Variants in KCNK3 observed in about 807,000 individuals in gnomAD.
KCNK3 encodes potassium two pore domain channel subfamily K member 3.
A neutral mutation model predicts 27.3 loss-of-function variants in KCNK3; 9 were observed. The ratio of observed to expected loss-of-function variants is 0.33; its 90% CI spans 0.20 to 0.57. The LOEUF (loss-of-function observed/expected upper bound fraction) is 0.57, where lower values mean the gene tolerates loss of function less well. KCNK3 is among the 20% of genes least tolerant of loss of function. The probability of loss-of-function intolerance (pLI) is 0.87; values close to 1 mark genes in which losing one functional copy is unlikely to be tolerated. For missense variants in KCNK3, 391 were observed against 577.7 expected (o/e 0.68, Z 3.31); for synonymous variants, 278 against 273.8 (o/e 1.02, Z -0.15).
At position 26,728,136 on chromosome 2, in the gene KCNK3, C is replaced by G. The variant is rs1282543271; in HGVS notation, c.753C>G (p.Ala251=). 8.8e-6 allele frequency: 14 copies of G among 1,599,942 alleles called. No individual in the cohort carries two copies. Among genetic ancestry groups the G allele is most frequent in the Non-Finnish European group, 1.1e-5 (13 of 1,173,446 alleles). ...TGCTGCGCTTCATGACCATGAACGC[C>G]GAGGACGAGAAGCGCGACGCCGAGC... ...LVVLRFMTMN[A]EDEKRDAEHR... is the part of the protein sequence containing the mutation. The change falls in exon 2 of 2, where the codon GCC becomes GCG. Residue 251 remains alanine (A), a synonymous_variant. Transcript: ENST00000302909.
At chr2:26,699,197 A>T (rs1239185701) in intron 1 of KCNK3, among the ~76,000 whole-genome samples, 1 of 103,446 alleles carries the variant, frequency 9.7e-6, no homozygotes, top group Non-Finnish European at 2.1e-5. Flanking sequence ...AAAAAAAGGA[A>T]GGAAAGAGAG....
intron 1 of KCNK3, among the ~76,000 whole-genome samples, chr2:26,709,540 A>G (rs1165475048): frequency 6.6e-6 from 1 of 152,162 alleles, no homozygotes; most frequent in African/African-American, 2.4e-5. Context: ...GATCTGCAGC[A>G]TGGCGGTCAC....
At chr2:26,717,325 G>C (rs1169431697) in intron 1 of KCNK3, among the ~76,000 whole-genome samples, 1 of 152,190 alleles carries the variant, frequency 6.6e-6, no homozygotes, top group African/African-American at 2.4e-5. Context: ...GTTGGGAGAA[G>C]TTCATTCCCT....
rs1384765201 is a variant in KCNK3, at chr2:26,693,380, G to A, written c.283+222G>A. On this transcript the variant is annotated intron_variant, in intron 1 of 1. Transcript: ENST00000302909. The surrounding 1 kb of genome is among the most constrained non-coding windows in gnomAD (Gnocchi z 5.5). ...GCTCCGGACCTGACTCTCCGGCCGG[G>A]CCAGCCCTAACTTGGCCCTGCCATG... 2.0e-5 allele frequency among the ~76,000 whole-genome samples: 3 copies of A among 152,238 alleles called. No homozygotes were observed. Among genetic ancestry groups the A allele is most frequent in the Non-Finnish European group, 4.4e-5 (3 of 68,034 alleles).
At chr2:26,708,657 C>A (rs149686411) in intron 1 of KCNK3, among the ~76,000 whole-genome samples, 1 of 152,070 alleles carries the variant, frequency 6.6e-6, no homozygotes, top group Non-Finnish European at 1.5e-5. Flanking sequence ...CCAGCCTGGA[C>A]AACAAGAGCA....
At position 26,716,425 on chromosome 2, in the gene KCNK3, G is replaced by A. The variant is rs930804383; in HGVS notation, c.284-11242G>A. Among the ~76,000 whole-genome samples, 12 of 152,196 alleles carry A rather than the reference G, an allele frequency of 7.9e-5. 1 individual carries two copies. The highest frequency in any genetic ancestry group is 2.9e-4 in the African/African-American group (12 of 41,446). Reference sequence around the variant, plus strand: ...ATTAAGGACTCAAAAACACCTGCTGGTTGGAGTGGAGAAATGTTTGAAGGA... The same window carrying A: ...ATTAAGGACTCAAAAACACCTGCTGATTGGAGTGGAGAAATGTTTGAAGGA... On this transcript the variant is annotated intron_variant, in intron 1 of 1. Coordinates refer to ENST00000302909, the MANE Select transcript of KCNK3 (RefSeq NM_002246.3).
chr2:26,710,100 C>G (rs991654418), intron 1 of KCNK3, among the ~76,000 whole-genome samples: 5 of 152,258 alleles, frequency 3.3e-5, no homozygotes, highest in African/African-American at 1.2e-4. Flanking sequence ...CCCTCCCACC[C>G]TGTCCTTGCG....
At chr2:26,705,875 G>T (rs1293676851) in intron 1 of KCNK3, among the ~76,000 whole-genome samples, 1 of 152,144 alleles carries the variant, frequency 6.6e-6, no homozygotes. Context: ...GGAGGTAGGG[G>T]GGTGGGGGGC....
chr2:26,728,359 C>T lies in KCNK3; in HGVS notation c.976C>T (p.Pro326Ser), dbSNP rs775696759. ...KSREKLQYSI[P>S]MIIPRDLSTS... The stretch of plus-strand genomic sequence containing the variant: ...CCGCGAGAAGCTGCAGTACTCCATC[C>T]CCATGATCATCCCGCGGGACCTCTC... Residue 326 changes from proline to serine, a missense_variant, in exon 2 of 2, where the codon CCC becomes TCC. Pro to Ser is a moderately conservative substitution (Grantham distance 74). Coordinates refer to ENST00000302909, the MANE Select transcript of KCNK3 (RefSeq NM_002246.3). The T allele has an allele frequency of 6.2e-7, 1 of 1,607,716 alleles. No individual in the cohort carries two copies. The highest frequency in any genetic ancestry group is 1.7e-5 in the Admixed American group (1 of 59,458).
chr2:26,718,782 G>T (rs533171221), intron 1 of KCNK3, among the ~76,000 whole-genome samples: 26 of 151,518 alleles, frequency 1.7e-4, no homozygotes, highest in African/African-American at 5.6e-4. Context: ...CTAATTTTTC[G>T]TTTTTTTCTA....
intron 1 of KCNK3, among the ~76,000 whole-genome samples, chr2:26,699,246 A>AAGCAAGC (rs1558594821): frequency 3.6e-5 from 5 of 140,342 alleles, no homozygotes; most frequent in African/African-American, 1.2e-4. Flanking sequence ...AGAAAGAAAG[A>AAGCAAGC]AAGAAAGCCA....
chr2:26,717,387 G>T (rs1284249389), intron 1 of KCNK3, among the ~76,000 whole-genome samples: 1 of 152,168 alleles, frequency 6.6e-6, no homozygotes, highest in Non-Finnish European at 1.5e-5. Flanking sequence ...CTCCTCAATG[G>T]GCTCAACAGG....
chr2:26,712,084 T>C (rs920033783), intron 1 of KCNK3, among the ~76,000 whole-genome samples: 1 of 152,132 alleles, frequency 6.6e-6, no homozygotes, highest in Non-Finnish European at 1.5e-5. Context: ...CTCTTGCCAA[T>C]GTTGCACTGT....
At chr2:26,716,054 G>C (rs548072643) in intron 1 of KCNK3, among the ~76,000 whole-genome samples, 2 of 152,308 alleles carry the variant, frequency 1.3e-5, no homozygotes, top group African/African-American at 4.8e-5. Context: ...GCCCAGAGAG[G>C]GGCAGCGTCT....
At chr2:26,699,233 GAAAGAAAGAAAGAAAGAA>G (rs1159770278) in intron 1 of KCNK3, among the ~76,000 whole-genome samples, 10 of 150,152 alleles carry the variant, frequency 6.7e-5, no homozygotes, top group African/African-American at 2.5e-4. Flanking sequence ...AAGAAAGAAA[GAAAGAAAGAAAGAAAGAA>G]AGCCAGCCAA....
intron 1 of KCNK3, among the ~76,000 whole-genome samples, chr2:26,701,918 C>A (rs1456463964): frequency 2.0e-5 from 3 of 152,186 alleles, no homozygotes; most frequent in African/African-American, 7.2e-5. Flanking sequence ...CCAGCCTGGG[C>A]AACAGAGACA....
chr2:26,711,587 T>A (rs1663109780), intron 1 of KCNK3, among the ~76,000 whole-genome samples: 1 of 152,292 alleles, frequency 6.6e-6, no homozygotes, highest in Admixed American at 6.5e-5. Flanking sequence ...CTGCATTTAC[T>A]TGCTGTGTGA....
rs746830880 is a variant in KCNK3 at position 26,728,356 on chromosome 2, A to C, written c.973A>C (p.Ile325Leu). The change falls in exon 2 of 2, where the codon ATC (isoleucine) becomes CTC (leucine). Residue 325 changes from isoleucine (I) to leucine (L), a missense_variant. Ile to Leu is a conservative substitution (Grantham distance 5). Around this residue, in one of 4 missense-constraint regions of KCNK3, gnomAD observed 192 missense variants for 196.0 expected, o/e 0.98. Coordinates refer to ENST00000302909, the MANE Select transcript of KCNK3 (RefSeq NM_002246.3). ...GAGCCGCGAGAAGCTGCAGTACTCC[A>C]TCCCCATGATCATCCCGCGGGACCT... is the stretch of plus-strand genomic sequence containing the variant. ...YKSREKLQYS[I>L]PMIIPRDLST... is the part of the protein sequence containing the mutation. 4 of 1,607,042 alleles carry C rather than the reference A, an allele frequency of 2.5e-6. No individual in the cohort carries two copies. Among genetic ancestry groups the C allele is most frequent in the African/African-American group, 2.7e-5 (2 of 74,786 alleles).
At chr2:26,702,761 G>T (rs1318129935) in intron 1 of KCNK3, among the ~76,000 whole-genome samples, 1 of 152,098 alleles carries the variant, frequency 6.6e-6, no homozygotes, top group Non-Finnish European at 1.5e-5. Flanking sequence ...GCAAGGAATT[G>T]GTGTATAGGC....
Sources: gnomAD v4.1 joint callset for allele counts (sites outside exome capture counted in the v4.1 genomes callset) on GRCh38, gnomAD v4.1.1 for gene constraint, gnomAD v4.1.1 regional missense constraint, Gnocchi (gnomAD v3.1) non-coding constraint, MANE v1.5 for transcripts, NCBI Gene and HGNC (gene_info 2026-07-23, HGNC 2026-07-21) for gene names.